The following MMP16 variants were observed in gnomAD, a reference collection of about 807,000 sequenced individuals.
MMP16 encodes the protein matrix metalloproteinase-16.
In MMP16, 12 loss-of-function variants were observed where a neutral mutation model predicts 67.8. The observed-to-expected ratio is 0.18, with a 90% confidence interval of 0.11 to 0.29. The LOEUF (loss-of-function observed/expected upper bound fraction) is 0.29. Ranked by LOEUF, MMP16 falls within the 10% of genes least tolerant of loss-of-function variation. The pLI is 1.00. For missense variants in MMP16, 475 were observed against 765.7 expected (o/e 0.62, Z 4.48); for synonymous variants, 249 against 255.9 (o/e 0.97, Z 0.26).
chr8:88,277,818 G>A (rs1053903232), intron 1 of MMP16, among the ~76,000 whole-genome samples: 1 of 152,086 alleles, frequency 6.6e-6, no homozygotes, highest in South Asian at 2.1e-4. Flanking sequence ...ATATCATTGG[G>A]TCTATGCATT....
At chr8:88,324,742 T>A (rs1811511745) in intron 1 of MMP16, among the ~76,000 whole-genome samples, 1 of 152,068 alleles carries the variant, frequency 6.6e-6, no homozygotes, top group East Asian at 1.9e-4. Context: ...TTCCCATTAG[T>A]GTTTCCTATC....
At chr8:88,267,625 T>A (rs1810494925) in intron 1 of MMP16, among the ~76,000 whole-genome samples, 1 of 152,208 alleles carries the variant, frequency 6.6e-6, no homozygotes. Context: ...AGTTGCATAT[T>A]TATTCTTTGT....
chr8:88,177,847 G>A (rs1808917621), intron 3 of MMP16, among the ~76,000 whole-genome samples: 1 of 152,010 alleles, frequency 6.6e-6, no homozygotes, highest in Admixed American at 6.6e-5. Flanking sequence ...CAGGATTGCA[G>A]ATGCTTCCTC....
intron 1 of MMP16, among the ~76,000 whole-genome samples, chr8:88,211,408 A>G (rs953465569): frequency 2.0e-5 from 3 of 152,172 alleles, no homozygotes; most frequent in African/African-American, 7.2e-5. Context: ...CCTAGGATAC[A>G]AAAGTAAAAA....
chr8:88,291,726 G>C (rs2130019691), intron 1 of MMP16, among the ~76,000 whole-genome samples: 1 of 152,278 alleles, frequency 6.6e-6, no homozygotes. Context: ...GAATTTTGTA[G>C]AATAACGATT....
chr8:88,122,365 C>A (rs757030937), intron 4 of MMP16, among the ~76,000 whole-genome samples: 6 of 151,920 alleles, frequency 3.9e-5, no homozygotes, highest in Non-Finnish European at 8.8e-5. Context: ...AAGCCTTCTC[C>A]AAATTCCCAG....
At chr8:88,220,781 C>T (rs900118242) in intron 1 of MMP16, among the ~76,000 whole-genome samples, 2 of 152,016 alleles carry the variant, frequency 1.3e-5, no homozygotes, top group Admixed American at 1.3e-4. Flanking sequence ...TCTGTTCCAC[C>T]CAAACTATTG....
rs201674843 is a variant in MMP16, at chr8:88,196,306, GA to G, written c.281+851del. Among the ~76,000 whole-genome samples the G allele has an allele frequency of 1.0e-3, 153 of 152,156 alleles. No homozygotes were observed. The East Asian group carries it at 0.025, about 25-fold the overall frequency. On this transcript the variant is annotated intron_variant, in intron 2 of 9. Coordinates refer to ENST00000286614, the MANE Select transcript of MMP16 (RefSeq NM_005941.5). Reference sequence around the variant, plus strand: ...AACACAAATAATTTTTCCCTCTACTGAAAAAAATTAATCACTTCTTCCTTTG... The same window carrying G: ...AACACAAATAATTTTTCCCTCTACTGAAAAAATTAATCACTTCTTCCTTTG...
At chr8:88,290,548 GT>G in intron 1 of MMP16, among the ~76,000 whole-genome samples, 1 of 150,948 alleles carries the variant, frequency 6.6e-6, no homozygotes, top group East Asian at 2.0e-4. Context: ...GTGAGACTCC[GT>G]CTCAAAAAAA....
intron 1 of MMP16, among the ~76,000 whole-genome samples, chr8:88,237,638 G>T (rs560740306): frequency 1.3e-5 from 2 of 149,980 alleles, no homozygotes; most frequent in African/African-American, 2.5e-5. Flanking sequence ...GACAGAGTGA[G>T]ACTCCGATTC....
intron 9 of MMP16, among the ~76,000 whole-genome samples, chr8:88,045,077 T>G (rs544921275): frequency 2.1e-4 from 32 of 152,322 alleles, no homozygotes; most frequent in African/African-American, 6.7e-4. Flanking sequence ...CTTAACTTGG[T>G]CTTTTAATTT....
At chr8:88,116,786 G>T in intron 5 of MMP16, 68 bp from the exon 6 acceptor site, 1 of 1,359,502 alleles carries the variant, frequency 7.4e-7, no homozygotes, top group Non-Finnish European at 1.0e-6. Flanking sequence ...ATATGCTACA[G>T]AGAACAATCA....
chr8:88,276,184 T>C (rs1810645972), intron 1 of MMP16, among the ~76,000 whole-genome samples: 1 of 152,074 alleles, frequency 6.6e-6, no homozygotes, highest in African/African-American at 2.4e-5. Flanking sequence ...GATGAGTTTC[T>C]TAAGAAACTA....
chr8:88,239,567 G>A (rs183148451), intron 1 of MMP16, among the ~76,000 whole-genome samples: 2 of 151,702 alleles, frequency 1.3e-5, no homozygotes, highest in Admixed American at 6.6e-5. Flanking sequence ...AGAGAAAATG[G>A]GTAGAGAATT....
At chr8:88,313,155 T>C (rs1040820968) in intron 1 of MMP16, among the ~76,000 whole-genome samples, 12 of 152,230 alleles carry the variant, frequency 7.9e-5, no homozygotes, top group African/African-American at 2.4e-4. Flanking sequence ...TATTCCATTA[T>C]ATGGATGTAT....
intron 1 of MMP16, among the ~76,000 whole-genome samples, chr8:88,218,683 T>C (rs1014826995): frequency 6.6e-6 from 1 of 152,032 alleles, no homozygotes; most frequent in Admixed American, 6.6e-5. Context: ...AAATATTCAC[T>C]AAATACAGGC....
chr8:88,159,905 G>A (rs200259524), intron 4 of MMP16, among the ~76,000 whole-genome samples: 19 of 151,124 alleles, frequency 1.3e-4, no homozygotes, highest in Non-Finnish European at 2.1e-4. Flanking sequence ...GGTTTTCGTC[G>A]TTGGTTCTGT....
intron 3 of MMP16, among the ~76,000 whole-genome samples, chr8:88,180,366 C>CA (rs1297649634): frequency 6.6e-6 from 1 of 150,514 alleles, no homozygotes; most frequent in Admixed American, 6.6e-5. Context: ...AAACAGAAAG[C>CA]AAGTCCTGCT....
intron 6 of MMP16, among the ~76,000 whole-genome samples, chr8:88,075,288 T>C (rs926185368): frequency 6.6e-6 from 1 of 152,160 alleles, no homozygotes; most frequent in Admixed American, 6.6e-5. Context: ...CAAAATTATT[T>C]TGAAAAAAAT....
Sources: allele counts gnomAD v4.1 joint callset (sites outside exome capture counted in the v4.1 genomes callset), GRCh38; gene constraint gnomAD v4.1.1; transcripts MANE v1.5; gene names NCBI Gene and HGNC (gene_info 2026-07-23, HGNC 2026-07-21).